Variants in MGAT5 observed in about 807,000 individuals in gnomAD.
MGAT5 encodes alpha-1,6-mannosylglycoprotein 6-beta-N-acetylglucosaminyltransferase, also known as alpha-1,6-mannosylglycoprotein 6-beta-N-acetylglucosaminyltransferase A.
A neutral mutation model predicts 94.3 loss-of-function variants in MGAT5; 30 were observed. The observed-to-expected ratio is 0.32, with a 90% CI of 0.24 to 0.43. The LOEUF (loss-of-function observed/expected upper bound fraction) is 0.43, where lower values mean the gene tolerates loss of function less well. MGAT5 is among the 20% of genes least tolerant of loss of function. The pLI is 1.00. For synonymous variants in MGAT5, 310 were observed against 322.9 expected, an observed-to-expected ratio of 0.96 and a Z score of 0.43; for missense variants, 691 against 905.5, an observed-to-expected ratio of 0.76 and a Z score of 3.04.
chr2:134,162,274 T>A (rs115297793), intron 1 of MGAT5, among the ~76,000 whole-genome samples: 1,663 of 152,228 alleles, frequency 0.011, 34 homozygotes, highest in African/African-American at 0.037. Flanking sequence ...CTTGTACTCA[T>A]GGTGTTAGGA....
At chr2:134,136,584 AAAAT>A (rs891752702) in intron 1 of MGAT5, among the ~76,000 whole-genome samples, 13 of 152,204 alleles carry the variant, frequency 8.5e-5, no homozygotes, top group African/African-American at 1.2e-4. Context: ...ATGAATAAAT[AAAAT>A]AAATAAATAA....
chr2:134,399,958 C>A (rs1682940735), intron 10 of MGAT5, among the ~76,000 whole-genome samples: 1 of 152,130 alleles, frequency 6.6e-6, no homozygotes, highest in African/African-American at 2.4e-5. Flanking sequence ...TCCTGAATAT[C>A]CTGCATCTTA....
At chr2:134,247,774 A>G (rs1019796860) in intron 1 of MGAT5, among the ~76,000 whole-genome samples, 3 of 152,194 alleles carry the variant, frequency 2.0e-5, no homozygotes, top group Admixed American at 2.0e-4. Flanking sequence ...TGAGATGGAC[A>G]CACTTAGGAT....
chr2:134,358,405 T>C (rs188471678), intron 9 of MGAT5, among the ~76,000 whole-genome samples: 2 of 152,324 alleles, frequency 1.3e-5, no homozygotes, highest in Admixed American at 1.3e-4. Context: ...TCTGTTATAA[T>C]GAGGAAAACC....
chr2:134,443,741 C>T (rs900029479), intron 15 of MGAT5, among the ~76,000 whole-genome samples: 9 of 152,176 alleles, frequency 5.9e-5, no homozygotes, highest in African/African-American at 1.4e-4. Context: ...GCTTTCCATG[C>T]GCTCCTTTTG....
At position 134,166,914 on chromosome 2, in the gene MGAT5, ACTTGTCT is replaced by A. The variant is rs982249540; in HGVS notation, c.-143+46630_-143+46636del. ...AGATAAAACCAGATGGTTGATACAG[ACTTGTCT>A]CTTGTCAATTGAAAAAGGTTTGCCC... is the stretch of plus-strand genomic sequence containing the variant. On this transcript the variant is annotated intron_variant, in intron 1 of 16. Transcript: ENST00000409645. 4.3e-4 allele frequency among the ~76,000 whole-genome samples: 66 copies of A among 152,180 alleles called. 2 individuals are homozygous for A. Among genetic ancestry groups the A allele is most frequent in the Admixed American group, 4.3e-3 (65 of 15,274 alleles).
At chr2:134,198,369 G>A (rs1245970653) in intron 1 of MGAT5, among the ~76,000 whole-genome samples, 1 of 152,202 alleles carries the variant, frequency 6.6e-6, no homozygotes, top group African/African-American at 2.4e-5. Context: ...GTGTTCTTCA[G>A]ACTAGCAAGC....
intron 1 of MGAT5, among the ~76,000 whole-genome samples, chr2:134,139,014 G>C (rs1686544170): frequency 6.6e-6 from 1 of 152,212 alleles, no homozygotes; most frequent in Non-Finnish European, 1.5e-5. Flanking sequence ...GAATTGGTAA[G>C]GCACAGATGG....
At chr2:134,341,188 T>C (rs1361624647) in intron 6 of MGAT5, among the ~76,000 whole-genome samples, 2 of 152,198 alleles carry the variant, frequency 1.3e-5, no homozygotes, top group Non-Finnish European at 2.9e-5. Context: ...GCATTGACTA[T>C]ATTGTCATGT....
chr2:134,275,298 A>G (rs1319133533), intron 2 of MGAT5, among the ~76,000 whole-genome samples: 1 of 152,152 alleles, frequency 6.6e-6, no homozygotes, highest in African/African-American at 2.4e-5. Context: ...CTGTTTTGTT[A>G]TTTGCAATGG....
Position 134,363,432 on chromosome 2 carries a change from G to T in MGAT5, c.1380+1024G>T, listed in dbSNP as rs182441446. Among the ~76,000 whole-genome samples the T allele has an allele frequency of 5.3e-4, 80 of 152,350 alleles. 1 individual carries two copies. Among genetic ancestry groups the T allele is most frequent in the African/African-American group, 1.9e-3 (77 of 41,596 alleles). On this transcript the variant is annotated intron_variant, in intron 10 of 15. Coordinates refer to ENST00000281923, the MANE Select transcript of MGAT5 (RefSeq NM_002410.5). ...AGATCAGCCCATCTCCAGGGAGGCA[G>T]ATTTAATTCCAGACAACTCTTTGTC...
chr2:134,132,061 G>A (rs909005325), intron 1 of MGAT5, among the ~76,000 whole-genome samples: 3 of 152,170 alleles, frequency 2.0e-5, no homozygotes, highest in Non-Finnish European at 4.4e-5. Flanking sequence ...CTGAGTTTGG[G>A]GTAAGTTTGC....
intron 1 of MGAT5, among the ~76,000 whole-genome samples, chr2:134,201,754 G>A (rs371371833): frequency 3.3e-5 from 5 of 150,922 alleles, no homozygotes; most frequent in Admixed American, 6.6e-5. Context: ...GCCGCCAGGC[G>A]CCAGCATCTT....
At chr2:134,193,984 C>T (rs1315956839) in intron 1 of MGAT5, among the ~76,000 whole-genome samples, 1 of 152,186 alleles carries the variant, frequency 6.6e-6, no homozygotes, top group Admixed American at 6.5e-5. Flanking sequence ...ACACTGGTGC[C>T]AGATGGTATT....
At chr2:134,158,902 G>T (rs1448815725) in intron 1 of MGAT5, among the ~76,000 whole-genome samples, 2 of 152,134 alleles carry the variant, frequency 1.3e-5, no homozygotes, top group African/African-American at 2.4e-5. Flanking sequence ...GGCACATGTG[G>T]CTATTGAGCT....
upstream of MGAT5, among the ~76,000 whole-genome samples, chr2:134,251,223 T>G (rs559559984): frequency 6.6e-6 from 1 of 151,694 alleles, no homozygotes; most frequent in Admixed American, 6.5e-5. Context: ...CCAATTCCCT[T>G]GGAGCTAGGT....
At chr2:134,292,383 CAA>C (rs1685422308) in intron 2 of MGAT5, among the ~76,000 whole-genome samples, 1 of 152,240 alleles carries the variant, frequency 6.6e-6, no homozygotes, top group East Asian at 1.9e-4. Context: ...CAGTGAAGGT[CAA>C]AGAGGAGTGG....
intron 9 of MGAT5, among the ~76,000 whole-genome samples, chr2:134,357,917 AC>A (rs1409778106): frequency 2.6e-5 from 4 of 152,122 alleles, no homozygotes; most frequent in Admixed American, 2.6e-4. Context: ...TTGAAGCATA[AC>A]ATTACTATGT....
intron 4 of MGAT5, among the ~76,000 whole-genome samples, chr2:134,331,258 G>A (rs965921371): frequency 6.6e-6 from 1 of 152,110 alleles, no homozygotes; most frequent in Non-Finnish European, 1.5e-5. Context: ...ATATCTCCTT[G>A]TTCAAGAAAA....
Sources: allele counts gnomAD v4.1 joint callset (sites outside exome capture counted in the v4.1 genomes callset), GRCh38; gene constraint gnomAD v4.1.1; transcripts MANE v1.5; gene names NCBI Gene and HGNC (gene_info 2026-07-23, HGNC 2026-07-21).